Variants in RAB31 observed in about 807,000 individuals in gnomAD.
RAB31 encodes the protein RAB31, member RAS oncogene family.
Under a neutral mutation model 25.6 loss-of-function variants are expected in RAB31, and 21 were observed. The observed-to-expected ratio is 0.82, with a 90% confidence interval of 0.58 to 1.18. The LOEUF (loss-of-function observed/expected upper bound fraction) is 1.18. RAB31 is among the 50% of genes most tolerant of loss of function. The pLI is 0.00. For synonymous variants in RAB31, 87 were observed against 84.0 expected (o/e 1.04, Z -0.20); for missense variants, 196 against 250.1 (o/e 0.78, Z 1.46).
chr18:9,762,883 T>C (rs1489308729), intron 1 of RAB31, among the ~76,000 whole-genome samples: 2 of 152,094 alleles, frequency 1.3e-5, no homozygotes, highest in Non-Finnish European at 2.9e-5. Context: ...GGCCCTGGCT[T>C]TCCTAGAACT....
chr18:9,731,403 A>G (rs2145465259), intron 1 of RAB31, among the ~76,000 whole-genome samples: 1 of 152,290 alleles, frequency 6.6e-6, no homozygotes, highest in Non-Finnish European at 1.5e-5. Flanking sequence ...GAGAATCGTT[A>G]TGTTAGAAAA....
chr18:9,799,988 C>G (rs2068505708), intron 3 of RAB31, among the ~76,000 whole-genome samples: 2 of 152,118 alleles, frequency 1.3e-5, no homozygotes, highest in African/African-American at 4.8e-5. Flanking sequence ...GTGCTGGTTT[C>G]TGCTTCACAC....
intron 3 of RAB31, among the ~76,000 whole-genome samples, chr18:9,801,457 A>AT (rs977064668): frequency 2.3e-4 from 35 of 151,788 alleles, no homozygotes; most frequent in Admixed American, 2.0e-4. Context: ...GATTTTTTGT[A>AT]TTTTTAGTAG....
intron 1 of RAB31, among the ~76,000 whole-genome samples, chr18:9,729,383 C>T (rs2068110781): frequency 6.6e-6 from 1 of 151,900 alleles, no homozygotes; most frequent in Non-Finnish European, 1.5e-5. Context: ...AAAAATTAGC[C>T]GGGCGTGGTG....
intron 3 of RAB31, among the ~76,000 whole-genome samples, chr18:9,806,829 T>G (rs545942561): frequency 1.3e-5 from 2 of 152,314 alleles, no homozygotes; most frequent in East Asian, 3.9e-4. Flanking sequence ...GTGGTGATCT[T>G]GAAGTCAGGG....
At position 9,769,800 on chromosome 18, in the gene RAB31, G is replaced by A. The variant is rs149416363; in HGVS notation, c.40-5478G>A. Among the ~76,000 whole-genome samples, 572 of 152,308 alleles carry A rather than the reference G, an allele frequency of 3.8e-3. 6 individuals carry two copies. The highest frequency in any genetic ancestry group is 0.013 in the African/African-American group (544 of 41,554). ...AATGCTTCCAGCTTTTGCCCATTCAGTGTGATACTGGCTGTGGGTTTGTCA... is the reference window on the plus strand; with the variant it reads ...AATGCTTCCAGCTTTTGCCCATTCAATGTGATACTGGCTGTGGGTTTGTCA... On this transcript the variant is annotated intron_variant, in intron 1 of 6. Coordinates refer to ENST00000578921, the MANE Select transcript of RAB31 (RefSeq NM_006868.4).
At chr18:9,823,433 G>A (rs1172087786) in intron 5 of RAB31, among the ~76,000 whole-genome samples, 1 of 152,120 alleles carries the variant, frequency 6.6e-6, no homozygotes, top group East Asian at 1.9e-4. Flanking sequence ...GGAGAAATCT[G>A]AATAAGATAG....
chr18:9,812,281 T>C (rs1487666669), intron 3 of RAB31, among the ~76,000 whole-genome samples: 1 of 152,182 alleles, frequency 6.6e-6, no homozygotes, highest in Non-Finnish European at 1.5e-5. Context: ...CAATTCCCAT[T>C]TACTCCCATA....
At chr18:9,750,144 G>A (rs1030189388) in intron 1 of RAB31, among the ~76,000 whole-genome samples, 1 of 147,430 alleles carries the variant, frequency 6.8e-6, no homozygotes, top group Non-Finnish European at 1.5e-5. Flanking sequence ...GTTGTCTACC[G>A]GGATCTGTGT....
At chr18:9,762,967 T>C (rs2068296926) in intron 1 of RAB31, among the ~76,000 whole-genome samples, 1 of 152,182 alleles carries the variant, frequency 6.6e-6, no homozygotes, top group African/African-American at 2.4e-5. Context: ...GCTCAGTGGC[T>C]GAAAGATTGC....
chr18:9,759,464 C>T (rs978063766), intron 1 of RAB31, among the ~76,000 whole-genome samples: 11 of 150,838 alleles, frequency 7.3e-5, no homozygotes, highest in Admixed American at 2.0e-4. Context: ...AGCCACAGCA[C>T]CTGTCCTATC....
intron 1 of RAB31, among the ~76,000 whole-genome samples, chr18:9,720,716 A>G (rs2068069963): frequency 6.9e-6 from 1 of 144,108 alleles, no homozygotes; most frequent in African/African-American, 2.6e-5. Context: ...TTATTTAGTG[A>G]GCATGTATTA....
chr18:9,783,936 C>T (rs1053749998), intron 2 of RAB31, among the ~76,000 whole-genome samples: 6 of 152,206 alleles, frequency 3.9e-5, no homozygotes, highest in Non-Finnish European at 8.8e-5. Context: ...CCATCTCATA[C>T]ACCATTATGG....
rs373160008 is a variant in RAB31, at chr18:9,788,429, T to G, written c.120-3725T>G. ...CAAGGGTGAAGAGAAAAGGGAATTC[T>G]TGTATTCTGTTGGTAAATTAAGCAC... On this transcript the variant is annotated intron_variant, in intron 2 of 6. Coordinates refer to ENST00000578921, the MANE Select transcript of RAB31 (RefSeq NM_006868.4). Among the ~76,000 whole-genome samples, 84 of 152,320 alleles carry G rather than the reference T, an allele frequency of 5.5e-4. 3 individuals carry two copies. In the South Asian group the frequency reaches 0.017, roughly 31 times the overall value.
At chr18:9,773,751 C>T (rs1017926573) in intron 1 of RAB31, among the ~76,000 whole-genome samples, 4 of 152,130 alleles carry the variant, frequency 2.6e-5, no homozygotes, top group Non-Finnish European at 4.4e-5. Context: ...CTTGAATTCC[C>T]GGGCTCAAGC....
At chr18:9,801,194 G>A (rs537180418) in intron 3 of RAB31, among the ~76,000 whole-genome samples, 1 of 152,054 alleles carries the variant, frequency 6.6e-6, no homozygotes, top group South Asian at 2.1e-4. Flanking sequence ...ATTTTGTTTA[G>A]CCACTCATCA....
chr18:9,804,659 G>A (rs2068530864), intron 3 of RAB31, among the ~76,000 whole-genome samples: 1 of 152,160 alleles, frequency 6.6e-6, no homozygotes, highest in Non-Finnish European at 1.5e-5. Flanking sequence ...TCTTGAATAG[G>A]AAATTAGCAA....
intron 5 of RAB31, among the ~76,000 whole-genome samples, chr18:9,818,192 T>C (rs1342724409): frequency 6.6e-6 from 1 of 152,252 alleles, no homozygotes; most frequent in Non-Finnish European, 1.5e-5. Flanking sequence ...CATTTTTAAT[T>C]TTTAAACATT....
Position 9,780,647 on chromosome 18 carries a change from G to A in RAB31, c.119+5290G>A, listed in dbSNP as rs141040959. Among the ~76,000 whole-genome samples, 599 of 152,186 alleles carry A rather than the reference G, an allele frequency of 3.9e-3. 7 individuals are homozygous for A. Among genetic ancestry groups the A allele is most frequent in the African/African-American group, 0.014 (567 of 41,528 alleles). On this transcript the variant is annotated intron_variant, in intron 2 of 6. Coordinates refer to ENST00000578921, the MANE Select transcript of RAB31 (RefSeq NM_006868.4). ...TTTGTACTTTTATAAATAATGTTAT[G>A]AGGCTAGACACGGTGGCTCACGCCT...
Sources: allele counts gnomAD v4.1 joint callset (sites outside exome capture counted in the v4.1 genomes callset), GRCh38; gene constraint gnomAD v4.1.1; transcripts MANE v1.5; gene names NCBI Gene and HGNC (gene_info 2026-07-23, HGNC 2026-07-21).